Variants in GAS2 observed in about 807,000 individuals in gnomAD.
GAS2 encodes growth arrest-specific protein 2.
GAS2 carries 20 observed loss-of-function variants against 37.5 expected under a neutral mutation model. The ratio of observed to expected loss-of-function variants is 0.53; its 90% CI spans 0.37 to 0.77. The LOEUF (loss-of-function observed/expected upper bound fraction) is 0.77, where lower values mean the gene tolerates loss of function less well. GAS2 is among the 30% of genes least tolerant of loss of function. The probability of loss-of-function intolerance (pLI) is 0.00; values close to 1 mark genes in which losing one functional copy is unlikely to be tolerated. For missense variants in GAS2, 336 were observed against 373.4 expected, an observed-to-expected ratio of 0.90 and a Z score of 0.82; for synonymous variants, 144 against 132.2, an observed-to-expected ratio of 1.09 and a Z score of -0.61.
intron 3 of GAS2, among the ~76,000 whole-genome samples, chr11:22,705,643 C>T (rs542012670): frequency 3.9e-5 from 6 of 152,270 alleles, no homozygotes; most frequent in Non-Finnish European, 7.3e-5. Context: ...CCATAACATA[C>T]ATTACAATGA....
intron 1 of GAS2, among the ~76,000 whole-genome samples, chr11:22,668,600 T>A (rs903119839): frequency 1.3e-5 from 2 of 152,210 alleles, no homozygotes; most frequent in South Asian, 4.1e-4. Flanking sequence ...GCCCTGGAAT[T>A]TTTTAGCATC....
At chr11:22,645,112 C>T (rs902683660) in intron 1 of GAS2, among the ~76,000 whole-genome samples, 3 of 152,102 alleles carry the variant, frequency 2.0e-5, no homozygotes, top group African/African-American at 7.2e-5. Context: ...ATAGCCAATT[C>T]TACATATCAT....
chr11:22,789,301 T>C (rs868780317), intron 7 of GAS2, among the ~76,000 whole-genome samples: 1,719 of 98,018 alleles, frequency 0.018, 20 homozygotes, highest in Admixed American at 0.064. Context: ...TATATATATA[T>C]ATACACACAC....
intron 7 of GAS2, among the ~76,000 whole-genome samples, chr11:22,789,946 G>A (rs1195247663): frequency 1.3e-5 from 2 of 152,110 alleles, no homozygotes; most frequent in Admixed American, 6.5e-5. Flanking sequence ...AACATGGTAT[G>A]ATACATAAAC....
At chr11:22,672,146 C>A (rs1473512810) in intron 1 of GAS2, among the ~76,000 whole-genome samples, 1 of 152,098 alleles carries the variant, frequency 6.6e-6, no homozygotes, top group African/African-American at 2.4e-5. Flanking sequence ...ACTCACTAAG[C>A]CTTCTTTCTC....
intron 3 of GAS2, among the ~76,000 whole-genome samples, chr11:22,725,459 C>T (rs1471234665): frequency 1.3e-5 from 2 of 152,066 alleles, no homozygotes; most frequent in Non-Finnish European, 2.9e-5. Context: ...TAGAATATCT[C>T]ACTCTGTCAC....
chr11:22,648,334 G>A (rs1848729550), intron 1 of GAS2, among the ~76,000 whole-genome samples: 1 of 152,162 alleles, frequency 6.6e-6, no homozygotes, highest in Admixed American at 6.5e-5. Flanking sequence ...TAGCCTTGTA[G>A]TATAGTTTGA....
intron 7 of GAS2, among the ~76,000 whole-genome samples, chr11:22,756,572 C>G (rs753890890): frequency 6.6e-6 from 1 of 151,836 alleles, no homozygotes; most frequent in Non-Finnish European, 1.5e-5. Flanking sequence ...GAAATTTTGC[C>G]CTTGTAAAGT....
At chr11:22,644,123 A>C (rs1456274131) in intron 1 of GAS2, among the ~76,000 whole-genome samples, 1 of 152,208 alleles carries the variant, frequency 6.6e-6, no homozygotes, top group Non-Finnish European at 1.5e-5. Context: ...AAAGGATAAT[A>C]GATGAATCTA....
At chr11:22,731,366 T>C (rs1396177412) in intron 4 of GAS2, 1 of 449,194 alleles carries the variant, frequency 2.2e-6, no homozygotes, top group Admixed American at 2.4e-5. Flanking sequence ...CATCTATTTC[T>C]CTGAGAAAGA....
At chr11:22,748,289 T>G (rs1853525764) in intron 5 of GAS2, among the ~76,000 whole-genome samples, 1 of 152,010 alleles carries the variant, frequency 6.6e-6, no homozygotes, top group African/African-American at 2.4e-5. Flanking sequence ...GGGTGTAAAT[T>G]GATGATCCCC....
chr11:22,755,937 A>C lies in GAS2; in HGVS notation c.707A>C (p.Lys236Thr). Residue 236 changes from lysine to threonine, a missense_variant, in exon 7 of 8, where the codon AAG becomes ACG. Physicochemically the swap from Lys to Thr is moderately conservative, Grantham distance 78 (BLOSUM62 -1). Coordinates refer to ENST00000454584, the MANE Select transcript of GAS2 (RefSeq NM_001143830.3). ...LSQGRYRVGEKILFIRMLHNK... is the reference protein window; with the variant it reads ...LSQGRYRVGETILFIRMLHNK... ...CAAGGAAGATACCGAGTGGGAGAAA[A>C]GATCCTCTTCATTAGGGTAAAGTTT... 1 of 1,610,250 alleles carries C rather than the reference A, an allele frequency of 6.2e-7. No homozygotes were observed. Among genetic ancestry groups the C allele is most frequent in the South Asian group, 1.1e-5 (1 of 90,838 alleles).
At position 22,812,266 on chromosome 11, in the gene GAS2, T is replaced by C. The variant is rs1437992618; in HGVS notation, c.*250T>C. On this transcript the variant is annotated 3_prime_UTR_variant, in exon 8 of 8. Coordinates refer to ENST00000454584, the MANE Select transcript of GAS2 (RefSeq NM_001143830.3). ...TTAGGCAAATTATTATTTCTCAATATGCGAACACAGTATTTAGAACACAAT... is the reference window on the plus strand; with the variant it reads ...TTAGGCAAATTATTATTTCTCAATACGCGAACACAGTATTTAGAACACAAT... The C allele has an allele frequency of 2.3e-6, 1 of 435,310 alleles. No homozygotes were observed. Among genetic ancestry groups the C allele is most frequent in the African/African-American group, 2.0e-5 (1 of 50,448 alleles). The allele number at this position is 435,310 out of a possible 1,614,324, so 27.0% of individuals were successfully genotyped here.
At chr11:22,706,188 G>A (rs1288985446) in intron 3 of GAS2, among the ~76,000 whole-genome samples, 1 of 152,038 alleles carries the variant, frequency 6.6e-6, no homozygotes, top group Admixed American at 6.6e-5. Context: ...GACAACATTA[G>A]CAGTGTAGAG....
At chr11:22,658,868 G>T (rs1168018862) in intron 1 of GAS2, among the ~76,000 whole-genome samples, 3 of 152,166 alleles carry the variant, frequency 2.0e-5, no homozygotes, top group African/African-American at 7.2e-5. Flanking sequence ...AATTCTAAAT[G>T]CCATAAATCT....
At chr11:22,793,040 A>G (rs1856246167) in intron 7 of GAS2, among the ~76,000 whole-genome samples, 1 of 152,154 alleles carries the variant, frequency 6.6e-6, no homozygotes, top group African/African-American at 2.4e-5. Flanking sequence ...TTGAGAGGCC[A>G]AGGTGGGTGG....
chr11:22,675,082 G>A, intron 2 of GAS2, 68 bp downstream of exon 2: 2 of 1,475,602 alleles, frequency 1.4e-6, no homozygotes, highest in Non-Finnish European at 1.8e-6. Flanking sequence ...CTCCTGTAGT[G>A]TCCTTCACCT....
At chr11:22,726,114 T>G (rs996075510) in intron 3 of GAS2, among the ~76,000 whole-genome samples, 178 bp from the exon 4 acceptor site, 1 of 152,088 alleles carries the variant, frequency 6.6e-6, no homozygotes. Flanking sequence ...AGGAACAGAT[T>G]TTCAGTCCCT....
At chr11:22,698,586 A>T (rs1162921085) in intron 3 of GAS2, among the ~76,000 whole-genome samples, 2 of 149,648 alleles carry the variant, frequency 1.3e-5, no homozygotes, top group African/African-American at 5.0e-5. Context: ...TTTTAGACCA[A>T]TATCCTTGAT....
Sources: allele counts gnomAD v4.1 joint callset (sites outside exome capture counted in the v4.1 genomes callset), GRCh38; gene constraint gnomAD v4.1.1; transcripts MANE v1.5; gene names NCBI Gene and HGNC (gene_info 2026-07-23, HGNC 2026-07-21).